Variants in PSD3 observed in about 807,000 individuals in gnomAD.
PSD3 encodes the protein PH and SEC7 domain-containing protein 3.
In PSD3, 49 loss-of-function variants were observed where a neutral mutation model predicts 105.5. The observed-to-expected ratio is 0.46, with a 90% CI of 0.37 to 0.59. The LOEUF (loss-of-function observed/expected upper bound fraction) is 0.59. Ranked by LOEUF, PSD3 falls within the 20% of genes least tolerant of loss-of-function variation. PSD3 has a pLI of 0.00. For synonymous variants in PSD3, 557 were observed against 457.8 expected (o/e 1.22, Z -2.77); for missense variants, 1,561 against 1,263.8 (o/e 1.24, Z -3.57).
intron 4 of PSD3, chr8:18,854,007 T>C (rs1815798164): frequency 7.1e-6 from 1 of 140,182 alleles, no homozygotes; most frequent in Non-Finnish European, 1.5e-5. Flanking sequence ...ATAATCTATT[T>C]TCAAATCCAA....
Position 18,634,043 on chromosome 8 carries a change from G to T in PSD3, c.2217-1237C>A, listed in dbSNP as rs116024381. Among the ~76,000 whole-genome samples the T allele has an allele frequency of 3.1e-3, 476 of 151,962 alleles. 1 individual carries two copies. Among genetic ancestry groups the T allele is most frequent in the African/African-American group, 0.011 (449 of 41,470 alleles). ...TGACGCCGAGTATTTTTTCATGTTTGTTGGCCATTTGTATATCTTCTTTTG... is the reference window on the plus strand; with the variant it reads ...TGACGCCGAGTATTTTTTCATGTTTTTTGGCCATTTGTATATCTTCTTTTG... On this transcript the variant is annotated intron_variant, in intron 10 of 15. Transcript: ENST00000327040.
intron 1 of PSD3, among the ~76,000 whole-genome samples, chr8:19,055,723 CA>C (rs1226569136): frequency 6.6e-6 from 1 of 152,222 alleles, no homozygotes; most frequent in Non-Finnish European, 1.5e-5. Context: ...ACAATTAAGA[CA>C]AGTGCACTGA....
At chr8:18,620,833 T>C (rs28473125) in intron 11 of PSD3, among the ~76,000 whole-genome samples, 1,723 of 152,348 alleles carry the variant, frequency 0.011, 41 homozygotes, top group African/African-American at 0.039. Flanking sequence ...TAGTACGGTA[T>C]TTTTAATTTC....
intron 9 of PSD3, among the ~76,000 whole-genome samples, chr8:18,725,611 T>G (rs552289029): frequency 1.2e-4 from 18 of 152,246 alleles, no homozygotes; most frequent in African/African-American, 4.1e-4. Flanking sequence ...TGTCCCAAAG[T>G]AAAGGACAGC....
chr8:18,694,627 G>T (rs898100892), intron 9 of PSD3, among the ~76,000 whole-genome samples: 3 of 138,424 alleles, frequency 2.2e-5, no homozygotes, highest in Non-Finnish European at 4.7e-5. Flanking sequence ...AAAAAAAAAA[G>T]TGAAGTTCCT....
chr8:18,673,771 C>T (rs1799919588), intron 9 of PSD3, among the ~76,000 whole-genome samples: 2 of 152,188 alleles, frequency 1.3e-5, no homozygotes, highest in South Asian at 2.1e-4. Flanking sequence ...GGGATCTCCC[C>T]GTGGGCCTCG....
At chr8:18,545,895 T>C (rs1800424171) in intron 15 of PSD3, among the ~76,000 whole-genome samples, 1 of 152,216 alleles carries the variant, frequency 6.6e-6, no homozygotes, top group South Asian at 2.1e-4. Context: ...AAAGTGTGAT[T>C]TGAGGAGCAG....
At chr8:19,069,501 T>TACTTTA in intron 1 of PSD3, among the ~76,000 whole-genome samples, 1 of 152,360 alleles carries the variant, frequency 6.6e-6, no homozygotes, top group South Asian at 2.1e-4. Context: ...CCATTACATG[T>TACTTTA]ACATCTGTGC....
chr8:18,616,712 C>T (rs928678462), intron 11 of PSD3, among the ~76,000 whole-genome samples: 8 of 145,500 alleles, frequency 5.5e-5, no homozygotes, highest in East Asian at 4.0e-4. Context: ...CAAGCTCCGC[C>T]TCCCGGGTTC....
intron 2 of PSD3, among the ~76,000 whole-genome samples, chr8:18,912,110 G>T (rs537205363): frequency 6.6e-6 from 1 of 152,146 alleles, no homozygotes; most frequent in Non-Finnish European, 1.5e-5. Context: ...AACACATCTT[G>T]TCTTCTGGGG....
intron 1 of PSD3, among the ~76,000 whole-genome samples, chr8:18,963,092 G>A (rs188641903): frequency 2.0e-4 from 30 of 152,266 alleles, no homozygotes; most frequent in East Asian, 5.8e-4. Flanking sequence ...ACATGGCAGC[G>A]GCAAGAGAAA....
At chr8:19,024,204 T>G (rs1002482750) in intron 1 of PSD3, among the ~76,000 whole-genome samples, 7 of 152,226 alleles carry the variant, frequency 4.6e-5, no homozygotes, top group South Asian at 2.1e-4. Flanking sequence ...TAGAAAACAT[T>G]CCTTTGCTGA....
chr8:19,043,214 C>G (rs920150525), intron 1 of PSD3, among the ~76,000 whole-genome samples: 1 of 152,136 alleles, frequency 6.6e-6, no homozygotes, highest in African/African-American at 2.4e-5. Flanking sequence ...GGATATTTGG[C>G]CAAAATGGCT....
intron 1 of PSD3, among the ~76,000 whole-genome samples, chr8:18,978,672 C>T (rs1278474756): frequency 6.6e-6 from 1 of 152,136 alleles, no homozygotes; most frequent in African/African-American, 2.4e-5. Context: ...TCCCACACCT[C>T]AACCACTGCC....
At chr8:18,645,071 G>A (rs1807934500) in intron 10 of PSD3, among the ~76,000 whole-genome samples, 3 of 152,138 alleles carry the variant, frequency 2.0e-5, no homozygotes, top group African/African-American at 2.4e-5. Context: ...CTACTCTCAC[G>A]ATAACTAACC....
intron 8 of PSD3, among the ~76,000 whole-genome samples, chr8:18,789,157 C>T (rs1002215490): frequency 1.3e-5 from 2 of 152,180 alleles, no homozygotes; most frequent in Non-Finnish European, 2.9e-5. Context: ...TACCACAGCA[C>T]AGTGGTTCTC....
Position 18,872,327 on chromosome 8 carries a change from T to C in PSD3, c.537A>G (p.Lys179=). 6.2e-7 allele frequency: 1 copy of C among 1,614,206 alleles called. No homozygotes were observed. The highest frequency in any genetic ancestry group is 8.5e-7 in the Non-Finnish European group (1 of 1,180,028). Residue 179 remains lysine, a synonymous_variant, in exon 3 of 16, where the codon AAA becomes AAG. Coordinates refer to ENST00000327040, the MANE Select transcript of PSD3 (RefSeq NM_015310.4). ...VEKELDTASR[K]TQRVNKTLPA... is the part of the protein sequence containing the mutation. Reference sequence around the variant, plus strand: ...GGAGCGTTTTGTTGACTCTCTGTGTTTTACGACTGGCAGTGTCCAGCTCTT... The same window carrying C: ...GGAGCGTTTTGTTGACTCTCTGTGTCTTACGACTGGCAGTGTCCAGCTCTT...
chr8:18,706,107 G>A (rs1025144030), intron 9 of PSD3, among the ~76,000 whole-genome samples: 2 of 152,242 alleles, frequency 1.3e-5, no homozygotes, highest in Non-Finnish European at 2.9e-5. Context: ...ACCACAGGAA[G>A]GGCTTGTCAC....
chr8:18,926,683 C>T (rs375829700), intron 2 of PSD3, among the ~76,000 whole-genome samples: 4 of 152,156 alleles, frequency 2.6e-5, no homozygotes, highest in African/African-American at 7.2e-5. Context: ...AAAAAACACA[C>T]AGATAAGCAA....
Sources: allele counts gnomAD v4.1 joint callset (sites outside exome capture counted in the v4.1 genomes callset), GRCh38; gene constraint gnomAD v4.1.1; transcripts MANE v1.5; gene names NCBI Gene and HGNC (gene_info 2026-07-23, HGNC 2026-07-21).